FNDC3B: variants seen among roughly 807,000 people sequenced by gnomAD.
FNDC3B encodes fibronectin type III domain-containing protein 3B.
Under a neutral mutation model 151.5 loss-of-function variants are expected in FNDC3B, and 12 were observed. The observed-to-expected ratio is 0.08, with a 90% CI of 0.05 to 0.13. The LOEUF is 0.13. Ranked by LOEUF, FNDC3B falls within the 10% of genes least tolerant of loss-of-function variation. The pLI, the probability that FNDC3B is intolerant of heterozygous loss-of-function variation, is 1.00. For synonymous variants in FNDC3B, 528 were observed against 549.0 expected (o/e 0.96, Z 0.54); for missense variants, 1,214 against 1,505.3 (o/e 0.81, Z 3.20).
intron 3 of FNDC3B, among the ~76,000 whole-genome samples, chr3:172,145,818 T>C (rs1366248256): frequency 6.7e-6 from 1 of 150,272 alleles, no homozygotes; most frequent in African/African-American, 2.4e-5. Context: ...TTTCTTTTTT[T>C]TTTTTTTTTT....
intron 13 of FNDC3B, among the ~76,000 whole-genome samples, chr3:172,331,661 G>T (rs1394248082): frequency 6.6e-6 from 1 of 152,040 alleles, no homozygotes; most frequent in African/African-American, 2.4e-5. Flanking sequence ...CACCCAGCCA[G>T]CCTCTAGTCA....
chr3:172,277,047 G>A (rs920922400), intron 6 of FNDC3B, among the ~76,000 whole-genome samples: 1 of 152,284 alleles, frequency 6.6e-6, no homozygotes, highest in East Asian at 1.9e-4. Flanking sequence ...TGTAGGAGAA[G>A]CTCCTTGTTC....
intron 10 of FNDC3B, 99 bp downstream of exon 10, chr3:172,307,600 G>A (rs184629302): frequency 2.4e-6 from 3 of 1,240,408 alleles, no homozygotes; most frequent in East Asian, 2.5e-5. Context: ...GGCTGAGGAG[G>A]GGGGATCACT....
chr3:172,237,163 T>G (rs1039726427), intron 4 of FNDC3B, among the ~76,000 whole-genome samples: 9 of 152,244 alleles, frequency 5.9e-5, no homozygotes, highest in Non-Finnish European at 1.0e-4. Flanking sequence ...GTAAGATTCA[T>G]GCCCAGAAAT....
intron 1 of FNDC3B, among the ~76,000 whole-genome samples, chr3:172,068,850 ATCC>A (rs1717635279): frequency 6.6e-6 from 1 of 152,156 alleles, no homozygotes; most frequent in African/African-American, 2.4e-5. Flanking sequence ...TCTTCATTTA[ATCC>A]TCACAGTGTC....
At chr3:172,356,342 T>A (rs2108331245) in intron 22 of FNDC3B, among the ~76,000 whole-genome samples, 1 of 152,314 alleles carries the variant, frequency 6.6e-6, no homozygotes, top group South Asian at 2.1e-4. Context: ...GATAATAATT[T>A]TCACTACTTA....
chr3:172,291,583 A>G (rs536964395), intron 7 of FNDC3B, among the ~76,000 whole-genome samples: 1 of 150,026 alleles, frequency 6.7e-6, no homozygotes, highest in South Asian at 2.1e-4. Context: ...AGTAACCTAT[A>G]CAACAGACCC....
At chr3:172,126,786 A>ATTC (rs1559978326) in intron 2 of FNDC3B, among the ~76,000 whole-genome samples, 10 of 152,222 alleles carry the variant, frequency 6.6e-5, no homozygotes, top group African/African-American at 2.4e-4. Flanking sequence ...AGCCCTTAAT[A>ATTC]GGAAATTTCC....
At chr3:172,341,963 G>A (rs887825103) in intron 17 of FNDC3B, among the ~76,000 whole-genome samples, 8 of 152,200 alleles carry the variant, frequency 5.3e-5, no homozygotes, top group Admixed American at 2.6e-4. Flanking sequence ...AATGAGAAAC[G>A]AGATGCCAAA....
intron 23 of FNDC3B, among the ~76,000 whole-genome samples, chr3:172,365,973 C>T (rs1245268116): frequency 1.3e-5 from 2 of 152,154 alleles, no homozygotes; most frequent in Non-Finnish European, 2.9e-5. Context: ...TATCTTTTCA[C>T]CTTAAGGCAA....
intron 3 of FNDC3B, among the ~76,000 whole-genome samples, chr3:172,136,599 A>G (rs528834488): frequency 6.6e-6 from 1 of 152,312 alleles, no homozygotes; most frequent in South Asian, 2.1e-4. Flanking sequence ...AGGAATCTGA[A>G]AATGGTCACA....
At chr3:172,128,300 G>A (rs1720903498) in intron 2 of FNDC3B, among the ~76,000 whole-genome samples, 1 of 152,142 alleles carries the variant, frequency 6.6e-6, no homozygotes, top group African/African-American at 2.4e-5. Flanking sequence ...TAGTTTACTT[G>A]CTTATGTTTT....
intron 1 of FNDC3B, among the ~76,000 whole-genome samples, chr3:172,054,558 G>A (rs964873261): frequency 2.4e-4 from 37 of 152,230 alleles, no homozygotes; most frequent in Non-Finnish European, 2.9e-4. Flanking sequence ...CCTAAAAACC[G>A]TTTCTGGCTT....
chr3:172,385,798 T>G (rs1288171608), intron 25 of FNDC3B, among the ~76,000 whole-genome samples: 1 of 152,156 alleles, frequency 6.6e-6, no homozygotes, highest in Non-Finnish European at 1.5e-5. Flanking sequence ...GACCTGGTGA[T>G]CCACCCACCT....
At chr3:172,257,061 C>T (rs1313411771) in intron 6 of FNDC3B, among the ~76,000 whole-genome samples, 1 of 152,080 alleles carries the variant, frequency 6.6e-6, no homozygotes, top group Non-Finnish European at 1.5e-5. Context: ...CAGGCACCTG[C>T]CACCATGCCT....
chr3:172,313,646 T>A (rs1183245372), intron 11 of FNDC3B, among the ~76,000 whole-genome samples: 2 of 152,236 alleles, frequency 1.3e-5, no homozygotes, highest in Non-Finnish European at 2.9e-5. Flanking sequence ...ACGCCTATCC[T>A]CTTGTGCTTT....
chr3:172,084,483 A>G lies in FNDC3B; in HGVS notation c.-28-27969A>G, dbSNP rs1457987765. 3.3e-5 allele frequency among the ~76,000 whole-genome samples: 5 copies of G among 151,790 alleles called. No individual in the cohort carries two copies. In the East Asian group the frequency reaches 9.7e-4, roughly 29 times the overall value. On this transcript the variant is annotated intron_variant, in intron 1 of 25. Coordinates refer to ENST00000415807, the MANE Select transcript of FNDC3B (RefSeq NM_022763.4). ...AATATGTATATGTATACACACACAC[A>G]CATACACACACACACACGTATATTC...
intron 3 of FNDC3B, among the ~76,000 whole-genome samples, chr3:172,221,572 C>T (rs1041254376): frequency 5.3e-5 from 8 of 152,162 alleles, no homozygotes; most frequent in Admixed American, 2.6e-4. Context: ...TGGATGCACA[C>T]TGAAGTTGAA....
At position 172,378,444 on chromosome 3, in the gene FNDC3B, G is replaced by A. The variant is rs767207597; in HGVS notation, c.3175+8G>A. 2.5e-6 allele frequency: 4 copies of A among 1,598,180 alleles called. No homozygotes were observed. In the South Asian group the frequency reaches 3.4e-5, roughly 14 times the overall value. ...TCCCCCCCACCATCAAAGGTGTGTA[G>A]ACTATGTATTCTTTCTCGCTCTCTT... On this transcript the variant is annotated splice_region_variant and intron_variant, in intron 24 of 25. Transcript: ENST00000415807.
Sources: gnomAD v4.1 joint callset for allele counts (sites outside exome capture counted in the v4.1 genomes callset) on GRCh38, gnomAD v4.1.1 for gene constraint, MANE v1.5 for transcripts, NCBI Gene and HGNC (gene_info 2026-07-23, HGNC 2026-07-21) for gene names.